Variants in RNLS observed in about 807,000 individuals in gnomAD.
RNLS encodes the protein renalase, FAD dependent amine oxidase.
A neutral mutation model predicts 39.8 loss-of-function variants in RNLS; 39 were observed. The ratio of observed to expected loss-of-function variants is 0.98; its 90% CI spans 0.76 to 1.28. RNLS has a LOEUF of 1.28. Ranked by LOEUF, RNLS falls within the 50% of genes most tolerant of loss-of-function variation. RNLS has a pLI of 0.00. For missense variants in RNLS, 410 were observed against 413.3 expected (o/e 0.99, Z 0.07); for synonymous variants, 147 against 150.7 (o/e 0.98, Z 0.18).
intron 4 of RNLS, among the ~76,000 whole-genome samples, chr10:88,426,699 C>G (rs1854791309): frequency 1.3e-5 from 2 of 152,010 alleles, no homozygotes; most frequent in Admixed American, 1.3e-4. Flanking sequence ...CTATTATTAT[C>G]CCCTTCCATA....
At chr10:88,307,882 G>C (rs564478150) in intron 6 of RNLS, among the ~76,000 whole-genome samples, 1 of 151,966 alleles carries the variant, frequency 6.6e-6, no homozygotes, top group South Asian at 2.1e-4. Context: ...GCAATCCTAA[G>C]CAAAAGGAAC....
chr10:88,489,505 G>A (rs1274657732), intron 4 of RNLS, among the ~76,000 whole-genome samples: 1 of 152,198 alleles, frequency 6.6e-6, no homozygotes, highest in African/African-American at 2.4e-5. Flanking sequence ...ACTAGGGCAA[G>A]AGCCCTTTGA....
At chr10:88,289,549 A>G (rs2132644006) in intron 6 of RNLS, among the ~76,000 whole-genome samples, 1 of 152,224 alleles carries the variant, frequency 6.6e-6, no homozygotes, top group Non-Finnish European at 1.5e-5. Flanking sequence ...ATTTCTATCT[A>G]TTATATTACT....
intron 4 of RNLS, among the ~76,000 whole-genome samples, chr10:88,558,130 C>T (rs1195329831): frequency 6.6e-6 from 1 of 152,002 alleles, no homozygotes; most frequent in African/African-American, 2.4e-5. Flanking sequence ...CATCATGATG[C>T]GTTTATATCA....
At chr10:88,276,526 T>C (rs116402157) in intron 6 of RNLS, among the ~76,000 whole-genome samples, 1,669 of 152,298 alleles carry the variant, frequency 0.011, 41 homozygotes, top group African/African-American at 0.038. Context: ...TTCCTCAAAT[T>C]ATTTGTTAAA....
At chr10:88,502,741 A>G (rs1175903402) in intron 4 of RNLS, among the ~76,000 whole-genome samples, 3 of 152,144 alleles carry the variant, frequency 2.0e-5, no homozygotes, top group African/African-American at 4.8e-5. Flanking sequence ...CTATCACAGA[A>G]GAAGGGCTAC....
At chr10:88,333,896 G>A (rs1184308220) in intron 5 of RNLS, among the ~76,000 whole-genome samples, 1 of 152,154 alleles carries the variant, frequency 6.6e-6, no homozygotes, top group African/African-American at 2.4e-5. Flanking sequence ...CACCTCTGAA[G>A]GAGAGAGTGA....
intron 4 of RNLS, among the ~76,000 whole-genome samples, chr10:88,570,461 A>C (rs1019556056): frequency 2.6e-5 from 4 of 152,216 alleles, no homozygotes; most frequent in African/African-American, 9.6e-5. Context: ...CATTCACTCA[A>C]TTCGCAAATA....
intron 6 of RNLS, chr10:88,309,377 T>A (rs1845184935): frequency 3.9e-6 from 5 of 1,282,238 alleles, no homozygotes; most frequent in Non-Finnish European, 4.1e-6. Context: ...AATTAGACAC[T>A]ATTACTCACC....
At chr10:88,551,693 AAG>A (rs1163969319) in intron 4 of RNLS, among the ~76,000 whole-genome samples, 3 of 150,582 alleles carry the variant, frequency 2.0e-5, no homozygotes, top group African/African-American at 7.3e-5. Context: ...CAAAAAAAAA[AAG>A]AAGAAGAACA....
intron 5 of RNLS, among the ~76,000 whole-genome samples, chr10:88,340,686 A>C (rs556382874): frequency 3.3e-5 from 5 of 152,282 alleles, no homozygotes; most frequent in African/African-American, 1.2e-4. Flanking sequence ...AAAACACTAA[A>C]CATGGTGATA....
intron 4 of RNLS, among the ~76,000 whole-genome samples, chr10:88,468,711 T>G (rs992504618): frequency 6.6e-6 from 1 of 152,162 alleles, no homozygotes; most frequent in Non-Finnish European, 1.5e-5. Flanking sequence ...GCACATGAGC[T>G]GCTATGGGCT....
In RNLS at chr10:88,583,110, G is replaced by T. The variant is rs778198161; in HGVS notation, c.81C>A (p.Pro27=). ...CCTTGTCCCACACAGCAAGGTACAA[G>T]GGACCGGACGTCTGCCTCCTCAGCA... ...AALLRRQTSG[P]LYLAVWDKAE... The change falls in exon 1 of 7, where the codon CCC becomes CCA. Residue 27 remains proline, a synonymous_variant. Coordinates refer to ENST00000331772, the MANE Select transcript of RNLS (RefSeq NM_001031709.3). 4.1e-5 allele frequency: 66 copies of T among 1,614,022 alleles called. No homozygotes were observed. Among genetic ancestry groups the T allele is most frequent in the Non-Finnish European group, 5.4e-5 (64 of 1,179,972 alleles).
intron 4 of RNLS, among the ~76,000 whole-genome samples, chr10:88,481,247 G>A (rs1302343006): frequency 6.6e-6 from 1 of 152,066 alleles, no homozygotes; most frequent in Non-Finnish European, 1.5e-5. Context: ...GTTAGATCTT[G>A]CTTTTTAAAA....
At chr10:88,377,665 T>C (rs1319451605) in intron 4 of RNLS, among the ~76,000 whole-genome samples, 1 of 152,190 alleles carries the variant, frequency 6.6e-6, no homozygotes, top group Non-Finnish European at 1.5e-5. Flanking sequence ...ACACTTACCA[T>C]AGATAGAGAT....
chr10:88,394,872 T>G (rs1029151829), intron 4 of RNLS, among the ~76,000 whole-genome samples: 12 of 151,962 alleles, frequency 7.9e-5, no homozygotes, highest in Admixed American at 7.9e-4. Flanking sequence ...CCATAAAAAT[T>G]ATGAGTTCAT....
chr10:88,356,871 A>G (rs1048857214), intron 5 of RNLS, among the ~76,000 whole-genome samples: 1 of 151,764 alleles, frequency 6.6e-6, no homozygotes, highest in Non-Finnish European at 1.5e-5. Context: ...GATTGTCTTA[A>G]TCTCCTCAGA....
At chr10:88,495,990 A>G (rs1478384847) in intron 4 of RNLS, among the ~76,000 whole-genome samples, 1 of 152,172 alleles carries the variant, frequency 6.6e-6, no homozygotes, top group East Asian at 1.9e-4. Context: ...TTGGGGATGC[A>G]GAAGACAAAA....
the RNLS span, among the ~76,000 whole-genome samples, chr10:88,240,601 A>G: frequency 1.3e-5 from 2 of 152,072 alleles, no homozygotes; most frequent in Non-Finnish European, 2.9e-5. Flanking sequence ...TTTTCTCTTC[A>G]TTACAACCTT....
Sources: gnomAD v4.1 joint callset for allele counts (sites outside exome capture counted in the v4.1 genomes callset) on GRCh38, gnomAD v4.1.1 for gene constraint, MANE v1.5 for transcripts, NCBI Gene and HGNC (gene_info 2026-07-23, HGNC 2026-07-21) for gene names.